Variants in PCDH11X observed in about 807,000 individuals in gnomAD.
PCDH11X encodes protocadherin-11 X-linked.
PCDH11X carries 18 observed loss-of-function variants against 53.3 expected under a neutral mutation model. That is an observed-to-expected ratio of 0.34 (90% CI 0.23 to 0.50). PCDH11X has a LOEUF of 0.50. PCDH11X is among the 20% of genes least tolerant of loss of function. The probability of loss-of-function intolerance (pLI) is 0.98; values close to 1 mark genes in which losing one functional copy is unlikely to be tolerated. For missense variants in PCDH11X, 570 were observed against 1,032.4 expected (o/e 0.55, Z 6.14); for synonymous variants, 279 against 393.3 (o/e 0.71, Z 3.44).
chrX:91,956,472 C>T (rs980063652), intron 6 of PCDH11X, among the ~76,000 whole-genome samples: 3 of 110,653 alleles, frequency 2.7e-5, no homozygotes, highest in African/African-American at 6.6e-5. Context: ...CCTTAGCCTT[C>T]GCTTGTCTGA....
rs777028420 is a variant in PCDH11X at position 92,140,306 on chromosome X, T to C, written c.3034-61069T>C. The stretch of plus-strand genomic sequence containing the variant: ...AAGCTATTTTATCAGTATTGATTTT[T>C]AGTTCAACATCTAAGTAGACTTGTA... On this transcript the variant is annotated intron_variant, in intron 6 of 10. Transcript: ENST00000682573. Among the ~76,000 whole-genome samples, 323 of 111,514 alleles carry C rather than the reference T, an allele frequency of 2.9e-3. 3 individuals are homozygous for C. Among genetic ancestry groups the C allele is most frequent in the Non-Finnish European group, 5.4e-3 (284 of 53,070 alleles).
intron 6 of PCDH11X, among the ~76,000 whole-genome samples, chrX:92,190,519 C>A (rs1417084302): frequency 8.9e-6 from 1 of 111,891 alleles, no homozygotes; most frequent in Non-Finnish European, 1.9e-5. Context: ...GCACCCCAGG[C>A]AGTGCTTTAA....
At chrX:91,802,565 T>C (rs1015292981) in intron 1 of PCDH11X, among the ~76,000 whole-genome samples, 2 of 111,864 alleles carry the variant, frequency 1.8e-5, no homozygotes, top group African/African-American at 3.2e-5. Flanking sequence ...TAATTTTTCC[T>C]GCACACTTAG....
At chrX:92,567,311 A>G (rs375086786) in intron 10 of PCDH11X, among the ~76,000 whole-genome samples, 6,357 of 58,895 alleles carry the variant, frequency 0.11, 641 homozygotes, top group Middle Eastern at 0.15. Flanking sequence ...CTTGAGCAGT[A>G]GTTTGTAGTT....
chrX:92,487,371 T>G (rs2073666146), intron 10 of PCDH11X, among the ~76,000 whole-genome samples: 2 of 110,815 alleles, frequency 1.8e-5, no homozygotes, highest in African/African-American at 6.6e-5. Flanking sequence ...TCAGAAAGGA[T>G]GTAAGAAAGG....
At chrX:92,542,856 A>C (rs1342150162) in intron 10 of PCDH11X, among the ~76,000 whole-genome samples, 2 of 111,628 alleles carry the variant, frequency 1.8e-5, no homozygotes, top group Admixed American at 1.9e-4. Context: ...AAAAAAATGC[A>C]ATGAAGAAAA....
chrX:91,807,715 C>G (rs1936167728), intron 1 of PCDH11X, among the ~76,000 whole-genome samples: 1 of 111,449 alleles, frequency 9.0e-6, no homozygotes, highest in Admixed American at 9.6e-5. Context: ...GCCCCTAAGT[C>G]ATGAAGTGCA....
intron 6 of PCDH11X, among the ~76,000 whole-genome samples, chrX:91,967,350 G>T (rs1175511089): frequency 2.7e-5 from 3 of 110,504 alleles, no homozygotes; most frequent in Non-Finnish European, 5.7e-5. Context: ...AGTGGCAAGC[G>T]CGCATTACCG....
At chrX:92,415,785 G>A (rs2071796239) in intron 9 of PCDH11X, among the ~76,000 whole-genome samples, 1 of 111,025 alleles carries the variant, frequency 9.0e-6, no homozygotes, top group African/African-American at 3.3e-5. Context: ...AGAATTCGAG[G>A]ACACAATTTA....
chrX:92,225,118 A>AT (rs1302619753), intron 7 of PCDH11X, among the ~76,000 whole-genome samples: 1 of 111,509 alleles, frequency 9.0e-6, no homozygotes, highest in Admixed American at 9.6e-5. Context: ...TCAAATACAC[A>AT]TTTTTTCTTT....
At chrX:92,530,640 C>T (rs775805436) in intron 10 of PCDH11X, among the ~76,000 whole-genome samples, 1 of 111,944 alleles carries the variant, frequency 8.9e-6, no homozygotes, top group East Asian at 2.8e-4. Flanking sequence ...ATGCTTCAGC[C>T]ACAAATATTC....
At chrX:91,821,049 A>T (rs899228611) in intron 4 of PCDH11X, among the ~76,000 whole-genome samples, 3 of 106,208 alleles carry the variant, frequency 2.8e-5, no homozygotes, top group African/African-American at 1.1e-4. Flanking sequence ...TTTTGGTACC[A>T]GTACCATGCT....
intron 9 of PCDH11X, among the ~76,000 whole-genome samples, chrX:92,445,667 C>T (rs1278028993): frequency 1.8e-5 from 2 of 108,493 alleles, no homozygotes; most frequent in East Asian, 5.8e-4. Flanking sequence ...ATTGTAAGTA[C>T]TTAATGAAAC....
At chrX:92,349,998 C>A (rs1025509572) in intron 8 of PCDH11X, among the ~76,000 whole-genome samples, 1 of 110,397 alleles carries the variant, frequency 9.1e-6, no homozygotes, top group African/African-American at 3.3e-5. Flanking sequence ...AGTCTAGAAG[C>A]ATCTGTACTC....
chrX:91,918,644 CAA>C lies in PCDH11X; in HGVS notation c.3033+39379_3033+39380del, dbSNP rs72245713. On this transcript the variant is annotated intron_variant, in intron 6 of 10. Coordinates refer to ENST00000682573, the MANE Select transcript of PCDH11X (RefSeq NM_032968.5). Reference sequence around the variant, plus strand: ...AACATTGCTATGAGGATATTTACTGCAAAAAAAAATGTGTTTTTTTCACATTT... The same window carrying C: ...AACATTGCTATGAGGATATTTACTGCAAAAAAATGTGTTTTTTTCACATTT... 1.4e-4 allele frequency among the ~76,000 whole-genome samples: 15 copies of C among 106,946 alleles called. No individual in the cohort carries two copies. In the East Asian group the frequency reaches 3.9e-3, roughly 28 times the overall value. 92.9% of individuals were successfully genotyped at this position (106,946 alleles called of 115,157 possible).
At chrX:92,565,690 A>C (rs761980061) in intron 10 of PCDH11X, among the ~76,000 whole-genome samples, 1 of 107,496 alleles carries the variant, frequency 9.3e-6, no homozygotes, top group East Asian at 2.9e-4. Context: ...GAAACCAAAA[A>C]CAATTAGAAA....
rs772284461 is a variant in PCDH11X, at chrX:92,303,596, T to A, written c.3144+40453T>A. 3.2e-4 allele frequency among the ~76,000 whole-genome samples: 36 copies of A among 111,713 alleles called. 1 individual carries two copies. Among genetic ancestry groups the A allele is most frequent in the South Asian group, 7.5e-4 (2 of 2,667 alleles). On this transcript the variant is annotated intron_variant, in intron 8 of 10. Transcript: ENST00000682573. ...TTATATATAATGTAAAGAAACACTA[T>A]CTGACAAAAACTGTGAATATATTTG... is the stretch of plus-strand genomic sequence containing the variant.
intron 4 of PCDH11X, among the ~76,000 whole-genome samples, chrX:91,831,592 A>G (rs955488022): frequency 9.6e-6 from 1 of 103,998 alleles, no homozygotes; most frequent in Non-Finnish European, 2.0e-5. Flanking sequence ...CAGCATTTTC[A>G]AAGAAAACTT....
At chrX:92,388,293 T>G in intron 9 of PCDH11X, among the ~76,000 whole-genome samples, 1 of 111,476 alleles carries the variant, frequency 9.0e-6, no homozygotes, top group Middle Eastern at 4.7e-3. Flanking sequence ...AATTATTTTC[T>G]AGATTTTATT....
Sources: allele counts gnomAD v4.1 joint callset (sites outside exome capture counted in the v4.1 genomes callset), GRCh38; gene constraint gnomAD v4.1.1; transcripts MANE v1.5; gene names NCBI Gene and HGNC (gene_info 2026-07-23, HGNC 2026-07-21).